The following CWF19L2 variants were observed in gnomAD, a reference collection of about 807,000 sequenced individuals.
CWF19L2 encodes CWF19-like protein 2.
Under a neutral mutation model 111.7 loss-of-function variants are expected in CWF19L2, and 98 were observed. That is an observed-to-expected ratio of 0.88 (90% CI 0.75 to 1.04). The LOEUF (loss-of-function observed/expected upper bound fraction) is 1.04. CWF19L2 is among the 50% of genes least tolerant of loss of function. The pLI, the probability that CWF19L2 is intolerant of heterozygous loss-of-function variation, is 0.00. For missense variants in CWF19L2, 1,101 were observed against 1,051.4 expected (o/e 1.05, Z -0.65); for synonymous variants, 351 against 342.9 (o/e 1.02, Z -0.26).
chr11:107,362,294 A>C (rs535243), intron 12 of CWF19L2, among the ~76,000 whole-genome samples: 3 of 151,634 alleles, frequency 2.0e-5, no homozygotes, highest in East Asian at 3.9e-4. Flanking sequence ...CAAAGCAGCC[A>C]GGAAGCTCGA....
intron 6 of CWF19L2, among the ~76,000 whole-genome samples, chr11:107,438,689 C>T (rs1591205276): frequency 6.6e-6 from 1 of 152,246 alleles, no homozygotes; most frequent in East Asian, 1.9e-4. Context: ...CTTCCAAAGA[C>T]TGCAAATTTT....
intron 14 of CWF19L2, among the ~76,000 whole-genome samples, chr11:107,345,856 TA>T (rs1474888656): frequency 5.9e-5 from 9 of 152,188 alleles, no homozygotes; most frequent in Admixed American, 2.0e-4. Flanking sequence ...TTCCATATCA[TA>T]AGATAAATCA....
At chr11:107,393,733 C>T (rs554800721) in intron 10 of CWF19L2, among the ~76,000 whole-genome samples, 46 of 152,212 alleles carry the variant, frequency 3.0e-4, no homozygotes, top group African/African-American at 1.1e-3. Context: ...TCTTTCACAG[C>T]AGCATGGATG....
At chr11:107,365,646 A>C in intron 12 of CWF19L2, among the ~76,000 whole-genome samples, 1 of 100,322 alleles carries the variant, frequency 1.0e-5, no homozygotes, top group Non-Finnish European at 1.9e-5. Flanking sequence ...AAAAACTCTC[A>C]ATAAATTAGG....
At chr11:107,418,011 T>C (rs375869602) in intron 9 of CWF19L2, among the ~76,000 whole-genome samples, 183 bp downstream of exon 9, 3 of 152,126 alleles carry the variant, frequency 2.0e-5, no homozygotes, top group East Asian at 3.9e-4. Context: ...CCGCCTGCCT[T>C]GGCCTCCCAA....
chr11:107,382,607 A>G (rs1335377716), intron 12 of CWF19L2, among the ~76,000 whole-genome samples: 1 of 152,252 alleles, frequency 6.6e-6, no homozygotes, highest in African/African-American at 2.4e-5. Flanking sequence ...GTAACATAAC[A>G]TAGTAAACAT....
At chr11:107,444,772 A>G (rs1252792073) in intron 3 of CWF19L2, among the ~76,000 whole-genome samples, 1 of 152,164 alleles carries the variant, frequency 6.6e-6, no homozygotes, top group Non-Finnish European at 1.5e-5. Context: ...GGAACAACCA[A>G]CCACCCACTT....
chr11:107,350,890 T>C (rs188302824), intron 13 of CWF19L2, among the ~76,000 whole-genome samples: 1 of 152,006 alleles, frequency 6.6e-6, no homozygotes, highest in African/African-American at 2.4e-5. Context: ...AGGAAAAGCA[T>C]GTGAGGAGGA....
At chr11:107,342,797 C>T (rs1156948081) in intron 14 of CWF19L2, among the ~76,000 whole-genome samples, 6 of 151,978 alleles carry the variant, frequency 3.9e-5, no homozygotes, top group Non-Finnish European at 7.4e-5. Context: ...TCCTGGATTG[C>T]CTGGGTATAT....
At chr11:107,402,902 T>A (rs1255057998) in intron 10 of CWF19L2, among the ~76,000 whole-genome samples, 1 of 126,614 alleles carries the variant, frequency 7.9e-6, no homozygotes, top group African/African-American at 3.2e-5. Context: ...TATATATATA[T>A]AATGGAATAC....
chr11:107,395,469 T>C (rs117557240), intron 10 of CWF19L2, among the ~76,000 whole-genome samples: 1,972 of 152,358 alleles, frequency 0.013, 24 homozygotes, highest in South Asian at 0.039. Flanking sequence ...ATTTCATTTA[T>C]CTTTATTTCA....
rs989923493 is a variant in CWF19L2, at chr11:107,454,541, T to C, written c.248A>G (p.Asp83Gly). The C allele has an allele frequency of 1.2e-5, 17 of 1,462,796 alleles. No homozygotes were observed. The highest frequency in any genetic ancestry group is 2.8e-5 in the Admixed American group (1 of 35,452). 90.6% of individuals were successfully genotyped at this position (1,462,796 alleles called of 1,614,324 possible). A position where few individuals can be genotyped will look rare whatever the true frequency, so the allele number is the denominator to read the frequency against. Residue 83 changes from aspartate to glycine, a missense_variant, in exon 3 of 18, where the codon GAC (aspartate) becomes GGC (glycine). By Grantham distance (94) the Asp-to-Gly change is moderately conservative. Coordinates refer to ENST00000282251, the MANE Select transcript of CWF19L2 (RefSeq NM_152434.3). ...EHSVKKKKKK[D>G]KHSKKAKKEK... ...TTTCTTTGCTTTTTTTGAATGCTTG[T>C]CTTTTTTCTTCTTTTTCTTCACAGA...
intron 8 of CWF19L2, among the ~76,000 whole-genome samples, chr11:107,425,659 T>C (rs1277904503): frequency 6.6e-6 from 1 of 151,918 alleles, no homozygotes; most frequent in East Asian, 1.9e-4. Flanking sequence ...ATCTCCCTTA[T>C]TTACCAGCTG....
At chr11:107,335,138 T>C (rs1198513078) in intron 15 of CWF19L2, among the ~76,000 whole-genome samples, 177 bp from the exon 16 acceptor site, 1 of 152,200 alleles carries the variant, frequency 6.6e-6, no homozygotes, top group African/African-American at 2.4e-5. Context: ...ATTTTTGAAA[T>C]CTTACCATTA....
At chr11:107,356,688 T>A (rs563163309) in intron 12 of CWF19L2, among the ~76,000 whole-genome samples, 1 of 152,178 alleles carries the variant, frequency 6.6e-6, no homozygotes, top group Non-Finnish European at 1.5e-5. Flanking sequence ...CAGATAGTAA[T>A]TCTAATCCAA....
intron 12 of CWF19L2, among the ~76,000 whole-genome samples, chr11:107,380,504 T>G (rs1387492600): frequency 6.6e-6 from 1 of 152,100 alleles, no homozygotes; most frequent in Non-Finnish European, 1.5e-5. Flanking sequence ...AACTGGGACC[T>G]GATCACAACT....
chr11:107,441,565 G>A lies in CWF19L2; in HGVS notation c.508C>T (p.Leu170Phe). ...MSVKTVSSSS[L>F]KAEKETMRKI... Reference sequence around the variant, plus strand: ...CTCATAGTTTCCTTTTCAGCTTTGAGTGATGATGATGACACAGTTTTAACA... The same window carrying A: ...CTCATAGTTTCCTTTTCAGCTTTGAATGATGATGATGACACAGTTTTAACA... The change falls in exon 5 of 18, where the codon CTC becomes TTC. Residue 170 changes from leucine (L) to phenylalanine (F), a missense_variant. By Grantham distance (22) the Leu-to-Phe change is conservative. Transcript: ENST00000282251. 6.4e-7 allele frequency: 1 copy of A among 1,551,224 alleles called. No homozygotes were observed. The highest frequency in any genetic ancestry group is 1.2e-5 in the South Asian group (1 of 83,234).
chr11:107,440,643 C>T (rs1246869852), intron 5 of CWF19L2, among the ~76,000 whole-genome samples: 1 of 151,762 alleles, frequency 6.6e-6, no homozygotes, highest in Admixed American at 6.6e-5. Context: ...AGAGGCTAGA[C>T]AAATTATGAG....
chr11:107,413,512 T>C (rs569430433), intron 10 of CWF19L2, among the ~76,000 whole-genome samples: 57 of 152,308 alleles, frequency 3.7e-4, no homozygotes, highest in African/African-American at 1.3e-3. Flanking sequence ...CAGGAAGATC[T>C]GGTACTAACA....
Sources: gnomAD v4.1 joint callset for allele counts (sites outside exome capture counted in the v4.1 genomes callset) on GRCh38, gnomAD v4.1.1 for gene constraint, MANE v1.5 for transcripts, NCBI Gene and HGNC (gene_info 2026-07-23, HGNC 2026-07-21) for gene names.